DNMBP: variants seen among roughly 807,000 people sequenced by gnomAD.
DNMBP encodes dynamin-binding protein.
In DNMBP, 87 loss-of-function variants were observed where a neutral mutation model predicts 150.0. The observed-to-expected ratio is 0.58, with a 90% CI of 0.49 to 0.69. The LOEUF (loss-of-function observed/expected upper bound fraction) is 0.69, where lower values mean the gene tolerates loss of function less well. Among genes scored for constraint, DNMBP ranks in the 30% least tolerant of loss-of-function variants. DNMBP has a pLI of 0.00. For synonymous variants in DNMBP, 711 were observed against 750.4 expected, an observed-to-expected ratio of 0.95 and a Z score of 0.86; for missense variants, 1,774 against 1,949.0, an observed-to-expected ratio of 0.91 and a Z score of 1.69.
chr10:99,957,419 G>A (rs2040512988), intron 3 of DNMBP: 2 of 584,260 alleles, frequency 3.4e-6, no homozygotes, highest in East Asian at 2.8e-5. Context: ...CTACAGGTGG[G>A]TCTCCAAGAT....
At chr10:99,976,121 T>C (rs192163127) in intron 1 of DNMBP, among the ~76,000 whole-genome samples, 52 of 152,350 alleles carry the variant, frequency 3.4e-4, no homozygotes, top group Non-Finnish European at 1.2e-4. Flanking sequence ...AGGGCTGGTA[T>C]AGTAGCTGCT....
At chr10:99,975,831 A>T (rs1193346713) in intron 1 of DNMBP, among the ~76,000 whole-genome samples, 1 of 152,222 alleles carries the variant, frequency 6.6e-6, no homozygotes, top group Non-Finnish European at 1.5e-5. Flanking sequence ...AAATGGAGAT[A>T]ATCATACTTT....
chr10:99,989,825 C>T (rs1000221936), intron 1 of DNMBP, among the ~76,000 whole-genome samples: 4 of 147,810 alleles, frequency 2.7e-5, no homozygotes, highest in Non-Finnish European at 6.0e-5. Context: ...CTGCTATGTA[C>T]CCCCTCTTCT....
chr10:99,928,636 C>A (rs2040109604), intron 4 of DNMBP, among the ~76,000 whole-genome samples: 1 of 152,164 alleles, frequency 6.6e-6, no homozygotes, highest in African/African-American at 2.4e-5. Flanking sequence ...TCCTAATATT[C>A]TCATTTCACA....
rs1300293830 is a variant in DNMBP, at chr10:99,956,660, T to C, written c.814A>G (p.Ile272Val). The C allele has an allele frequency of 1.2e-6, 2 of 1,613,796 alleles. No homozygotes were observed. The highest frequency in any genetic ancestry group is 3.3e-5 in the Admixed American group (2 of 59,994). The part of the protein sequence containing the change: ...LDFEVGDKIR[I>V]LATLEDGWLE... Reference sequence around the variant, plus strand: ...CAGCCATCTTCCAAGGTCGCCAGAATTCGGATTTTATCCCCGACCTCGAAA... The same window carrying C: ...CAGCCATCTTCCAAGGTCGCCAGAACTCGGATTTTATCCCCGACCTCGAAA... The change falls in exon 4 of 17, where the codon ATT becomes GTT. Residue 272 changes from isoleucine (I) to valine (V), a missense_variant. This residue lies in a region of DNMBP where 344 missense variants were observed against 456.6 expected (regional missense o/e 0.75). Transcript: ENST00000324109.
chr10:99,955,461 C>A lies in DNMBP; in HGVS notation c.2013G>T (p.Glu671Asp). 6.2e-7 allele frequency: 1 copy of A among 1,609,744 alleles called. No individual in the cohort carries two copies. The highest frequency in any genetic ancestry group is 8.5e-7 in the Non-Finnish European group (1 of 1,177,360). The change falls in exon 4 of 17, where the codon GAG becomes GAT. Residue 671 changes from glutamate to aspartate, a missense_variant. Transcript: ENST00000324109. ...GACCAGGGCCCTCCTTTTCTAAGGT[C>A]TCACAGGTAGGACGGTGTCGAGATA... is the stretch of plus-strand genomic sequence containing the variant. Reference protein sequence around the residue: ...KLLSRHRPTCETLEKEGPGHM... With the variant: ...KLLSRHRPTCDTLEKEGPGHM...
At chr10:99,890,344 G>A (rs917927865) in intron 11 of DNMBP, among the ~76,000 whole-genome samples, 13 of 152,176 alleles carry the variant, frequency 8.5e-5, no homozygotes, top group Admixed American at 2.6e-4. Flanking sequence ...TTATTGGGCA[G>A]GCTTTTCATT....
At chr10:99,883,324 A>G (rs2490761) in intron 15 of DNMBP, among the ~76,000 whole-genome samples, 14,699 of 151,982 alleles carry the variant, frequency 0.097, 1,269 homozygotes, top group African/African-American at 0.23. Context: ...GAAGAAAGCA[A>G]ATGAAATCCC....
intron 12 of DNMBP, among the ~76,000 whole-genome samples, chr10:99,888,427 T>G (rs954756799): frequency 1.3e-5 from 2 of 152,114 alleles, no homozygotes; most frequent in African/African-American, 4.8e-5. Context: ...GCCAGGCTGG[T>G]CTTGAACTCC....
At chr10:99,881,092 G>A (rs746105529) in intron 15 of DNMBP, among the ~76,000 whole-genome samples, 1 of 152,088 alleles carries the variant, frequency 6.6e-6, no homozygotes, top group Non-Finnish European at 1.5e-5. Flanking sequence ...GCCGGATGTG[G>A]TGGTGCGCAC....
At chr10:99,975,036 A>T (rs574561628) in intron 1 of DNMBP, among the ~76,000 whole-genome samples, 23 of 152,278 alleles carry the variant, frequency 1.5e-4, no homozygotes, top group Middle Eastern at 6.8e-3. Flanking sequence ...AGGGGGTTAC[A>T]GGGAGAAGCC....
At chr10:99,917,923 C>T (rs1298403828) in intron 4 of DNMBP, among the ~76,000 whole-genome samples, 2 of 144,846 alleles carry the variant, frequency 1.4e-5, no homozygotes, top group African/African-American at 2.6e-5. Flanking sequence ...GAGCCAAGAT[C>T]GTGCCACTGC....
chr10:99,996,151 T>A lies in DNMBP; in HGVS notation c.-11+13687A>T, dbSNP rs556142085. Among the ~76,000 whole-genome samples, 13 of 152,302 alleles carry A rather than the reference T, an allele frequency of 8.5e-5. No individual in the cohort carries two copies. In the South Asian group the frequency reaches 2.7e-3, roughly 32 times the overall value. ...TATTTTAATTTTTAAACGTTTGGAA[T>A]CACAAGAAGAGAATATTCACCAAGC... On this transcript the variant is annotated intron_variant, in intron 1 of 16. Transcript: ENST00000324109.
intron 4 of DNMBP, among the ~76,000 whole-genome samples, chr10:99,937,691 CA>C (rs1307042794): frequency 6.6e-6 from 1 of 152,200 alleles, no homozygotes; most frequent in Non-Finnish European, 1.5e-5. Context: ...CCTGGCCGAC[CA>C]ACCCTGCCCT....
chr10:99,896,834 G>A (rs1406748918), intron 9 of DNMBP, among the ~76,000 whole-genome samples: 1 of 152,212 alleles, frequency 6.6e-6, no homozygotes, highest in Non-Finnish European at 1.5e-5. Flanking sequence ...CTATACAGCA[G>A]TAATTTAATT....
chr10:99,979,962 C>T (rs767940198), intron 1 of DNMBP, among the ~76,000 whole-genome samples: 2 of 152,210 alleles, frequency 1.3e-5, no homozygotes, highest in Non-Finnish European at 2.9e-5. Context: ...ACACTTTCCA[C>T]ACCTGGAGTA....
At position 99,955,480 on chromosome 10, in the gene DNMBP, C is replaced by G; in HGVS notation, c.1994G>C (p.Arg665Pro). 1 of 1,604,392 alleles carries G rather than the reference C, an allele frequency of 6.2e-7. No individual in the cohort carries two copies. The highest frequency in any genetic ancestry group is 8.5e-7 in the Non-Finnish European group (1 of 1,174,754). Residue 665 changes from arginine to proline, a missense_variant, in exon 4 of 17, where the codon CGA (arginine) becomes CCA (proline). Arg to Pro is a moderately radical substitution (Grantham distance 103, BLOSUM62 -2). Transcript: ENST00000324109. ...TAAGGTCTCACAGGTAGGACGGTGT[C>G]GAGATAGGAGCTTGGGGGATACCGC... The part of the protein sequence containing the change: ...TNAVSPKLLS[R>P]HRPTCETLEK...
intron 11 of DNMBP, among the ~76,000 whole-genome samples, chr10:99,891,542 G>A (rs1197352196): frequency 1.3e-5 from 2 of 151,988 alleles, no homozygotes; most frequent in African/African-American, 4.8e-5. Flanking sequence ...CCTCCCAGCC[G>A]CCTGCCTTGG....
In DNMBP at chr10:99,886,517, C is replaced by A; in HGVS notation, c.3401G>T (p.Cys1134Phe). The A allele has an allele frequency of 6.2e-7, 1 of 1,614,144 alleles. No homozygotes were observed. The highest frequency in any genetic ancestry group is 8.5e-7 in the Non-Finnish European group (1 of 1,180,036). Residue 1134 changes from cysteine (C) to phenylalanine (F), a missense_variant, in exon 13 of 17, where the codon TGT becomes TTT. This residue lies in a region of DNMBP where 1,430 missense variants were observed against 1,492.5 expected (regional missense o/e 0.96). Transcript: ENST00000324109. ...RFDKLLDFYN[C>F]TERAEKLKDK... ...CTTTAGCTTTTCTGCCCGTTCTGTA[C>A]AGTTATAGAAGTCCAGGAGCTTGTC...
Sources: allele counts gnomAD v4.1 joint callset (sites outside exome capture counted in the v4.1 genomes callset), GRCh38; gene constraint gnomAD v4.1.1; regional missense constraint gnomAD v4.1.1; transcripts MANE v1.5; gene names NCBI Gene and HGNC (gene_info 2026-07-23, HGNC 2026-07-21).